STRN3: variants seen among roughly 807,000 people sequenced by gnomAD.
The protein encoded by STRN3 is striatin 3, also known as striatin-3.
STRN3 carries 29 observed loss-of-function variants against 95.6 expected under a neutral mutation model. That is an observed-to-expected ratio of 0.30 (90% confidence interval 0.23 to 0.41). STRN3 has a LOEUF of 0.41. STRN3 is among the 10% of genes least tolerant of loss of function. STRN3 has a pLI of 1.00. For missense variants in STRN3, 890 were observed against 972.1 expected, an observed-to-expected ratio of 0.92 and a Z score of 1.12; for synonymous variants, 331 against 357.6, an observed-to-expected ratio of 0.93 and a Z score of 0.84.
chr14:31,021,293 G>T (rs1281984448), intron 1 of STRN3, among the ~76,000 whole-genome samples: 1 of 152,180 alleles, frequency 6.6e-6, no homozygotes, highest in Non-Finnish European at 1.5e-5. Flanking sequence ...GGCCTCTACA[G>T]GCAGTCTAAG....
intron 1 of STRN3, among the ~76,000 whole-genome samples, chr14:30,984,948 C>G (rs1881606349): frequency 6.6e-6 from 1 of 152,094 alleles, no homozygotes; most frequent in South Asian, 2.1e-4. Flanking sequence ...TTCCTAGGAT[C>G]TTTCTTTTTA....
chr14:30,916,934 G>A (rs1160424215), intron 9 of STRN3, among the ~76,000 whole-genome samples: 1 of 152,210 alleles, frequency 6.6e-6, no homozygotes, highest in Non-Finnish European at 1.5e-5. Context: ...CCAGGTAACA[G>A]ATTCCATTTA....
At chr14:30,907,280 CTTTT>C (rs35844855) in intron 13 of STRN3, among the ~76,000 whole-genome samples, 1 of 142,926 alleles carries the variant, frequency 7.0e-6, no homozygotes, top group African/African-American at 2.6e-5. Flanking sequence ...GAAACATATG[CTTTT>C]TTTTTTTTTT....
intron 1 of STRN3, chr14:31,018,426 CTT>C (rs1883346703): frequency 5.3e-6 from 2 of 376,360 alleles, no homozygotes; most frequent in Non-Finnish European, 1.0e-5. Flanking sequence ...GAACTTTATT[CTT>C]TCTCGACCCT....
chr14:30,929,750 T>G (rs1300157078), intron 7 of STRN3, among the ~76,000 whole-genome samples: 1 of 151,962 alleles, frequency 6.6e-6, no homozygotes, highest in Non-Finnish European at 1.5e-5. Context: ...AAAATATTCA[T>G]GCACCTTCTG....
intron 8 of STRN3, among the ~76,000 whole-genome samples, chr14:30,921,433 A>G (rs1445532724): frequency 6.6e-6 from 1 of 152,132 alleles, no homozygotes; most frequent in Admixed American, 6.6e-5. Context: ...AAATTATATA[A>G]TATTATTTAC....
chr14:30,961,479 G>T (rs1206085268), intron 1 of STRN3, among the ~76,000 whole-genome samples: 1 of 152,224 alleles, frequency 6.6e-6, no homozygotes. Flanking sequence ...CGTAGCTATT[G>T]TAACATTGTA....
chr14:31,006,055 G>A (rs1882695113), intron 1 of STRN3, among the ~76,000 whole-genome samples: 1 of 149,694 alleles, frequency 6.7e-6, no homozygotes, highest in Non-Finnish European at 1.5e-5. Flanking sequence ...GGAGGCAGAG[G>A]CTGCAGTAAG....
chr14:30,979,468 T>G (rs566230964), intron 1 of STRN3, among the ~76,000 whole-genome samples: 2 of 152,226 alleles, frequency 1.3e-5, no homozygotes, highest in Non-Finnish European at 2.9e-5. Context: ...AAATTAATTT[T>G]TATAAACTTG....
At chr14:30,902,393 T>C in intron 16 of STRN3, 143 bp downstream of exon 16, 1 of 562,638 alleles carries the variant, frequency 1.8e-6, no homozygotes, top group Non-Finnish European at 3.0e-6. Context: ...GCGTGCAACA[T>C]TAAGAAAAGC....
At chr14:31,006,447 G>C (rs1243429462) in intron 1 of STRN3, among the ~76,000 whole-genome samples, 1 of 152,018 alleles carries the variant, frequency 6.6e-6, no homozygotes, top group Non-Finnish European at 1.5e-5. Flanking sequence ...TGTAATCCCA[G>C]CACTTTGGGA....
At chr14:31,011,407 C>T (rs776790469) in intron 1 of STRN3, among the ~76,000 whole-genome samples, 2 of 152,106 alleles carry the variant, frequency 1.3e-5, no homozygotes, top group Admixed American at 6.6e-5. Flanking sequence ...TTTGGGAGGC[C>T]GAGGCGGGTG....
Position 30,894,048 on chromosome 14 carries a change from C to T in STRN3, c.*1363G>A, listed in dbSNP as rs998179990. Reference sequence around the variant, plus strand: ...ACTCGCAAACTGATCAGAAAAGTTTCTCGGAAGACTAGAAAAAATACTTTA... The same window carrying T: ...ACTCGCAAACTGATCAGAAAAGTTTTTCGGAAGACTAGAAAAAATACTTTA... On this transcript the variant is annotated 3_prime_UTR_variant, in exon 18 of 18. Coordinates refer to ENST00000357479, the MANE Select transcript of STRN3 (RefSeq NM_001083893.2). 3.9e-5 allele frequency: 6 copies of T among 152,508 alleles called. No homozygotes were observed. Among genetic ancestry groups the T allele is most frequent in the African/African-American group, 1.4e-4 (6 of 41,424 alleles). 9.4% of individuals were successfully genotyped at this position (152,508 alleles called of 1,614,324 possible). A position where few individuals can be genotyped will look rare whatever the true frequency, so the allele number is the denominator to read the frequency against.
intron 6 of STRN3, among the ~76,000 whole-genome samples, chr14:30,936,064 A>G (rs965784892): frequency 8.5e-5 from 13 of 152,214 alleles, no homozygotes; most frequent in Non-Finnish European, 1.9e-4. Context: ...GTAAATTTTT[A>G]TTATTCTTTA....
intron 8 of STRN3, among the ~76,000 whole-genome samples, chr14:30,925,687 T>C (rs1429430063): frequency 2.0e-5 from 3 of 152,162 alleles, no homozygotes; most frequent in African/African-American, 4.8e-5. Flanking sequence ...AAAAAAAGGA[T>C]ATGAGTGCTG....
chr14:30,912,294 C>T (rs1896631816), intron 10 of STRN3, 112 bp from the exon 11 acceptor site: 1 of 967,816 alleles, frequency 1.0e-6, no homozygotes, highest in African/African-American at 1.7e-5. Context: ...AAACTGTTGG[C>T]TAAAATGTCC....
chr14:30,967,275 G>C, intron 1 of STRN3, among the ~76,000 whole-genome samples: 1 of 142,986 alleles, frequency 7.0e-6, no homozygotes, highest in African/African-American at 2.6e-5. Flanking sequence ...GGGGGGAAGA[G>C]AGGCAGAGAG....
chr14:30,903,163 A>C (rs1278811233), intron 15 of STRN3, among the ~76,000 whole-genome samples: 1 of 152,284 alleles, frequency 6.6e-6, no homozygotes, highest in East Asian at 1.9e-4. Context: ...AGAAATATCA[A>C]AACAAATAAA....
intron 1 of STRN3, among the ~76,000 whole-genome samples, chr14:31,017,416 G>A (rs539053514): frequency 1.3e-5 from 2 of 151,582 alleles, no homozygotes; most frequent in African/African-American, 2.4e-5. Flanking sequence ...GGAGAATGGC[G>A]TGAACCCAGG....
Sources: allele counts gnomAD v4.1 joint callset (sites outside exome capture counted in the v4.1 genomes callset), GRCh38; gene constraint gnomAD v4.1.1; transcripts MANE v1.5; gene names NCBI Gene and HGNC (gene_info 2026-07-23, HGNC 2026-07-21).